Variants in ARHGAP23 observed in about 807,000 individuals in gnomAD.
The protein encoded by ARHGAP23 is Rho GTPase activating protein 23.
A neutral mutation model predicts 136.3 loss-of-function variants in ARHGAP23; 34 were observed. The ratio of observed to expected loss-of-function variants is 0.25; its 90% CI spans 0.19 to 0.33. The LOEUF (loss-of-function observed/expected upper bound fraction) is 0.33. ARHGAP23 is among the 10% of genes least tolerant of loss of function. The pLI is 1.00. For synonymous variants in ARHGAP23, 832 were observed against 920.5 expected, an observed-to-expected ratio of 0.90 and a Z score of 1.74; for missense variants, 1,808 against 2,139.0, an observed-to-expected ratio of 0.85 and a Z score of 3.05.
intron 20 of ARHGAP23, among the ~76,000 whole-genome samples, chr17:38,493,277 C>A (rs1245335015): frequency 4.0e-5 from 6 of 151,070 alleles, no homozygotes; most frequent in Non-Finnish European, 8.8e-5. Flanking sequence ...ATACGGCCCA[C>A]TTCCAGGCTC....
At chr17:38,455,411 G>A (rs2039299160) in intron 1 of ARHGAP23, among the ~76,000 whole-genome samples, 1 of 152,146 alleles carries the variant, frequency 6.6e-6, no homozygotes, top group South Asian at 2.1e-4. Context: ...AGAGATAAGG[G>A]AGGGAATGCT....
intron 7 of ARHGAP23, 59 bp from the exon 8 acceptor site, chr17:38,469,085 G>A (rs931519855): frequency 2.7e-6 from 4 of 1,492,692 alleles, no homozygotes; most frequent in Non-Finnish European, 3.6e-6. Flanking sequence ...AGGCTAGGGT[G>A]GAGGCAGGCA....
chr17:38,508,755 C>T (rs777241245), intron 23 of ARHGAP23, among the ~76,000 whole-genome samples: 3 of 152,060 alleles, frequency 2.0e-5, no homozygotes, highest in Non-Finnish European at 2.9e-5. Context: ...GTCACAAGAC[C>T]GCCCTAAGGT....
At chr17:38,457,815 C>T in intron 1 of ARHGAP23, 1 of 533,266 alleles carries the variant, frequency 1.9e-6, no homozygotes, top group South Asian at 2.2e-5. Flanking sequence ...CTGAACTCAG[C>T]TGAACTGAAC....
chr17:38,453,552 G>T, intron 1 of ARHGAP23: 1 of 152,776 alleles, frequency 6.5e-6, no homozygotes, highest in Non-Finnish European at 1.5e-5. Flanking sequence ...AGGGTGCGAG[G>T]GTGTGGTCGT....
In ARHGAP23 at chr17:38,454,514, G is replaced by T. The variant is rs565812271; in HGVS notation, c.64-3588G>T. 4.6e-5 allele frequency among the ~76,000 whole-genome samples: 7 copies of T among 152,284 alleles called. No individual in the cohort carries two copies. The South Asian group carries it at 1.5e-3, about 32-fold the overall frequency. On this transcript the variant is annotated intron_variant, in intron 1 of 23. Coordinates refer to ENST00000622683, the MANE Select transcript of ARHGAP23 (RefSeq NM_001199417.2). The stretch of plus-strand genomic sequence containing the variant: ...ACCCCGAGTTCCGAGGCAGGCAGAG[G>T]CACCACTGAATGGAGCAGGGCCCAC...
chr17:38,471,278 A>G (rs2039750790), intron 10 of ARHGAP23, among the ~76,000 whole-genome samples: 1 of 152,354 alleles, frequency 6.6e-6, no homozygotes, highest in Admixed American at 6.5e-5. Flanking sequence ...GTTTTTGATT[A>G]TAGATGGACT....
At chr17:38,460,041 G>A (rs1036804903) in intron 2 of ARHGAP23, among the ~76,000 whole-genome samples, 8 of 152,166 alleles carry the variant, frequency 5.3e-5, no homozygotes, top group African/African-American at 9.7e-5. Context: ...CATGTGTGGA[G>A]AGGGTTAGAA....
intron 20 of ARHGAP23, among the ~76,000 whole-genome samples, chr17:38,493,917 C>T (rs2040333470): frequency 6.6e-6 from 1 of 152,200 alleles, no homozygotes; most frequent in South Asian, 2.1e-4. Flanking sequence ...TCACCCAGGG[C>T]ATTTGCTCAG....
intron 1 of ARHGAP23, among the ~76,000 whole-genome samples, chr17:38,441,899 G>C (rs1317425559): frequency 6.6e-6 from 1 of 152,112 alleles, no homozygotes; most frequent in Non-Finnish European, 1.5e-5. Flanking sequence ...GCTGGGGTGA[G>C]GGCACAGAGA....
Position 38,482,127 on chromosome 17 carries a change from C to G in ARHGAP23, c.2735C>G (p.Pro912Arg). The G allele has an allele frequency of 6.5e-7, 1 of 1,548,448 alleles. No individual in the cohort carries two copies. The highest frequency in any genetic ancestry group is 2.4e-5 in the East Asian group (1 of 40,860). The change falls in exon 15 of 24, where the codon CCA becomes CGA. Residue 912 changes from proline (P) to arginine (R), a missense_variant. This residue lies in a region of ARHGAP23 where 105 missense variants were observed against 200.6 expected (regional missense o/e 0.52). Coordinates refer to ENST00000622683, the MANE Select transcript of ARHGAP23 (RefSeq NM_001199417.2). ...GGGGTCAGGCTGGAGGAGTGCCAGC[C>G]AGCCACGGAGAACCAGGTGAGTCTC... is the stretch of plus-strand genomic sequence containing the variant. ...AFGVRLEECQ[P>R]ATENQRVPLI...
chr17:38,500,472 G>A, intron 22 of ARHGAP23, 125 bp from the exon 23 acceptor site: 1 of 810,776 alleles, frequency 1.2e-6, no homozygotes, highest in Non-Finnish European at 2.1e-6. Context: ...AGGGCCTGGG[G>A]AGATCTCATG....
At chr17:38,494,690 G>A (rs569426842) in intron 20 of ARHGAP23, among the ~76,000 whole-genome samples, 2 of 152,350 alleles carry the variant, frequency 1.3e-5, no homozygotes, top group Non-Finnish European at 2.9e-5. Context: ...AAGCCCCACA[G>A]AAGGACCCAC....
chr17:38,466,582 C>A lies in ARHGAP23; in HGVS notation c.899C>A (p.Ala300Glu), dbSNP rs904903530. The change falls in exon 7 of 24, where the codon GCG (alanine) becomes GAG (glutamate). Residue 300 changes from alanine to glutamate, a missense_variant. By Grantham distance (107) the Ala-to-Glu change is moderately radical. This residue lies in a region of ARHGAP23 where 859 missense variants were observed against 936.4 expected (regional missense o/e 0.92). Coordinates refer to ENST00000622683, the MANE Select transcript of ARHGAP23 (RefSeq NM_001199417.2). The part of the protein sequence containing the change: ...HWLSNQVPRR[A>E]GERRCPAMAP... ...CTGTCAAACCAGGTACCCCGCCGGG[C>A]GGGGGAGAGACGGTGCCCAGCCATG... The A allele has an allele frequency of 1.3e-6, 2 of 1,503,792 alleles. No homozygotes were observed. Among genetic ancestry groups the A allele is most frequent in the African/African-American group, 2.8e-5 (2 of 72,012 alleles). 93.2% of individuals were successfully genotyped at this position (1,503,792 alleles called of 1,614,324 possible).
rs542077269 is a variant in ARHGAP23 at position 38,469,591 on chromosome 17, C to T, written c.1872C>T (p.Cys624=). Residue 624 remains cysteine, a synonymous_variant, in exon 9 of 24, where the codon TGC becomes TGT. Transcript: ENST00000622683. ...LAITTERSKS[C]DDGLNTFRDE... is the part of the protein sequence containing the mutation. ...TCACCACGGAGCGCTCCAAGTCCTG[C>T]GATGATGGACTCAACACCTTCCGCG... 3.4e-4 allele frequency: 531 copies of T among 1,548,662 alleles called. No individual in the cohort carries two copies. The highest frequency in any genetic ancestry group is 4.4e-4 in the Non-Finnish European group (502 of 1,146,746).
chr17:38,426,914 G>A (rs1039751926), upstream of ARHGAP23, among the ~76,000 whole-genome samples: 3 of 152,116 alleles, frequency 2.0e-5, no homozygotes, highest in Non-Finnish European at 2.9e-5. Context: ...GGGGCTGCTC[G>A]GCTCTCAGGG....
upstream of ARHGAP23, among the ~76,000 whole-genome samples, chr17:38,426,794 A>G (rs1425235891): frequency 6.6e-6 from 1 of 152,188 alleles, no homozygotes; most frequent in Non-Finnish European, 1.5e-5. Context: ...TCAGTATCTC[A>G]TTCCTCAGGT....
intron 20 of ARHGAP23, among the ~76,000 whole-genome samples, chr17:38,491,908 C>T (rs370487059): frequency 3.3e-5 from 5 of 152,172 alleles, no homozygotes; most frequent in African/African-American, 1.2e-4. Flanking sequence ...CACGAGCAGA[C>T]GGGGGCCAAG....
intron 1 of ARHGAP23, among the ~76,000 whole-genome samples, chr17:38,444,074 C>T (rs540229291): frequency 3.3e-5 from 5 of 152,076 alleles, no homozygotes; most frequent in Admixed American, 3.3e-4. Context: ...GGGCTCTGGC[C>T]TCTCTCCTTG....
Sources: allele counts gnomAD v4.1 joint callset (sites outside exome capture counted in the v4.1 genomes callset), GRCh38; gene constraint gnomAD v4.1.1; regional missense constraint gnomAD v4.1.1; transcripts MANE v1.5; gene names NCBI Gene and HGNC (gene_info 2026-07-23, HGNC 2026-07-21).